The following KLHL29 variants were observed in gnomAD, a reference collection of about 807,000 sequenced individuals.
KLHL29 encodes kelch-like protein 29.
Under a neutral mutation model 80.4 loss-of-function variants are expected in KLHL29, and 21 were observed. The observed-to-expected ratio is 0.26, with a 90% confidence interval of 0.19 to 0.38. The LOEUF is 0.38. KLHL29 is among the 10% of genes least tolerant of loss of function. The pLI, the probability that KLHL29 is intolerant of heterozygous loss-of-function variation, is 1.00. For synonymous variants in KLHL29, 511 were observed against 526.8 expected (o/e 0.97, Z 0.41); for missense variants, 867 against 1,223.9 (o/e 0.71, Z 4.35).
intron 6 of KLHL29, chr2:23,691,231 A>G (rs1164122894): frequency 8.9e-6 from 2 of 223,712 alleles, no homozygotes; most frequent in Admixed American, 5.3e-5. Context: ...ATTGGCTGGC[A>G]TCACAGCCAG....
At chr2:23,676,607 A>G (rs926277977) in intron 5 of KLHL29, among the ~76,000 whole-genome samples, 1 of 152,228 alleles carries the variant, frequency 6.6e-6, no homozygotes, top group East Asian at 1.9e-4. Context: ...CCTGAGCAAC[A>G]TGGCGAGACC....
rs1334874390 is a variant in KLHL29, at chr2:23,695,356, G to A, written c.1543-267G>A. On this transcript the variant is annotated intron_variant, in intron 8 of 13. Transcript: ENST00000486442. This position sits in a 1 kb window ranked among gnomAD's most constrained non-coding sequence, Gnocchi z 7.6. ...TGGAGTGAGAGAATGGGGTGCTGGG[G>A]GGATGAACACATGCTCCCACTCCTG... is the stretch of plus-strand genomic sequence containing the variant. Among the ~76,000 whole-genome samples, 1 of 152,050 alleles carries A rather than the reference G, an allele frequency of 6.6e-6. No homozygotes were observed. Among genetic ancestry groups the A allele is most frequent in the Non-Finnish European group, 1.5e-5 (1 of 67,996 alleles).
intron 1 of KLHL29, among the ~76,000 whole-genome samples, chr2:23,474,486 G>A (rs1664577298): frequency 6.6e-6 from 1 of 152,180 alleles, no homozygotes; most frequent in Non-Finnish European, 1.5e-5. Context: ...AAAATTAAAT[G>A]GCGACCTTGG....
intron 3 of KLHL29, among the ~76,000 whole-genome samples, chr2:23,620,609 A>G (rs1669150862): frequency 1.3e-5 from 2 of 152,026 alleles, no homozygotes; most frequent in Non-Finnish European, 2.9e-5. Context: ...GGAGGGAGAG[A>G]GCAGAGGCCA....
chr2:23,653,756 C>A (rs374179699), intron 5 of KLHL29, among the ~76,000 whole-genome samples: 5 of 152,210 alleles, frequency 3.3e-5, no homozygotes, highest in African/African-American at 1.2e-4. Flanking sequence ...CTCTGGAATT[C>A]CTGCTTGGCA....
intron 2 of KLHL29, among the ~76,000 whole-genome samples, chr2:23,502,432 T>C (rs1288265747): frequency 6.6e-6 from 1 of 152,200 alleles, no homozygotes. Flanking sequence ...GTCGGGTGTT[T>C]CAGCAGCTCT....
In KLHL29 at chr2:23,544,551, G is replaced by A. The variant is rs565487164; in HGVS notation, c.-45-17601G>A. On this transcript the variant is annotated intron_variant, in intron 2 of 13. Coordinates refer to ENST00000486442, the MANE Select transcript of KLHL29 (RefSeq NM_052920.2). Reference sequence around the variant, plus strand: ...CCTTAGGGAACTCACACTCCAGAGAGGGGACACACAGAAATCTAAGTAAGT... The same window carrying A: ...CCTTAGGGAACTCACACTCCAGAGAAGGGACACACAGAAATCTAAGTAAGT... Among the ~76,000 whole-genome samples the A allele has an allele frequency of 3.3e-5, 5 of 152,332 alleles. No individual in the cohort carries two copies. The South Asian group carries it at 1.0e-3, about 32-fold the overall frequency.
At chr2:23,502,824 TC>T (rs1299306714) in intron 2 of KLHL29, among the ~76,000 whole-genome samples, 3 of 152,148 alleles carry the variant, frequency 2.0e-5, no homozygotes, top group African/African-American at 2.4e-5. Flanking sequence ...CACGGACACT[TC>T]CAGATAGAAG....
chr2:23,515,616 G>C (rs918588527), intron 2 of KLHL29, among the ~76,000 whole-genome samples: 2 of 152,204 alleles, frequency 1.3e-5, no homozygotes, highest in South Asian at 2.1e-4. Context: ...TGTGTTATCT[G>C]TCTGACCATC....
chr2:23,425,159 T>C (rs2103404676), intron 1 of KLHL29, among the ~76,000 whole-genome samples: 1 of 152,330 alleles, frequency 6.6e-6, no homozygotes, highest in African/African-American at 2.4e-5. Context: ...AATAATATAC[T>C]CATATAAAAT....
intron 2 of KLHL29, among the ~76,000 whole-genome samples, chr2:23,513,040 G>A (rs947308213): frequency 2.6e-5 from 4 of 152,222 alleles, no homozygotes; most frequent in African/African-American, 7.2e-5. Flanking sequence ...CATGCTTCAC[G>A]CGTGGTGACC....
chr2:23,466,157 T>G (rs1204417920), intron 1 of KLHL29, among the ~76,000 whole-genome samples: 1 of 152,158 alleles, frequency 6.6e-6, no homozygotes, highest in East Asian at 1.9e-4. Context: ...TTGCACCATT[T>G]CCGTCCGCTG....
At chr2:23,447,578 A>C (rs1572519721) in intron 1 of KLHL29, among the ~76,000 whole-genome samples, 1 of 152,340 alleles carries the variant, frequency 6.6e-6, no homozygotes, top group Non-Finnish European at 1.5e-5. Flanking sequence ...CCTAACGCTG[A>C]TAATGGCCTT....
intron 3 of KLHL29, among the ~76,000 whole-genome samples, chr2:23,578,874 A>G (rs1667911232): frequency 6.6e-6 from 1 of 152,344 alleles, no homozygotes; most frequent in African/African-American, 2.4e-5. Context: ...TCAACAGTCT[A>G]CAGATCAATT....
Position 23,639,299 on chromosome 2 carries a change from G to T in KLHL29, c.427+19G>T. 1 of 1,543,252 alleles carries T rather than the reference G, an allele frequency of 6.5e-7. No homozygotes were observed. Among genetic ancestry groups the T allele is most frequent in the Non-Finnish European group, 8.7e-7 (1 of 1,143,948 alleles). On this transcript the variant is annotated intron_variant, in intron 4 of 13. Transcript: ENST00000486442. ...AATCCAGGTACGTACCTCATCGGCA[G>T]ATAGAAACGACTGAGCCCAGGGCTT...
chr2:23,449,777 C>G (rs1336928361), intron 1 of KLHL29, among the ~76,000 whole-genome samples: 1 of 152,146 alleles, frequency 6.6e-6, no homozygotes, highest in African/African-American at 2.4e-5. Context: ...TTTAACCTCT[C>G]CAATGGCCCA....
At chr2:23,616,671 C>T (rs1669014632) in intron 3 of KLHL29, 2 of 152,196 alleles carry the variant, frequency 1.3e-5, no homozygotes, top group Non-Finnish European at 2.9e-5. Context: ...TTCTTGCGCA[C>T]CCCATGAACT....
chr2:23,468,245 A>G (rs1664404249), intron 1 of KLHL29, among the ~76,000 whole-genome samples: 1 of 152,086 alleles, frequency 6.6e-6, no homozygotes, highest in Non-Finnish European at 1.5e-5. Flanking sequence ...CAGCTCCCTC[A>G]GATTATAAAT....
chr2:23,424,059 C>G (rs984831110), intron 1 of KLHL29, among the ~76,000 whole-genome samples: 3 of 152,216 alleles, frequency 2.0e-5, no homozygotes, highest in Admixed American at 6.5e-5. Context: ...CCCTGAAGGA[C>G]AGTGGGGCTC....
Sources: gnomAD v4.1 joint callset for allele counts (sites outside exome capture counted in the v4.1 genomes callset) on GRCh38, gnomAD v4.1.1 for gene constraint, Gnocchi (gnomAD v3.1) non-coding constraint, MANE v1.5 for transcripts, NCBI Gene and HGNC (gene_info 2026-07-23, HGNC 2026-07-21) for gene names.